The following CEP295NL variants were observed in gnomAD, a reference collection of about 807,000 sequenced individuals.
CEP295NL encodes CEP295 N-terminal like.
CEP295NL carries 3 observed loss-of-function variants against 4.6 expected under a neutral mutation model. The ratio of observed to expected loss-of-function variants is 0.65; its 90% CI spans 0.30 to 1.69. The LOEUF is 1.69. CEP295NL is among the 40% of genes most tolerant of loss of function. The pLI is 0.10. For missense variants in CEP295NL, 719 were observed against 769.0 expected, an observed-to-expected ratio of 0.93 and a Z score of 0.77; for synonymous variants, 295 against 312.2, an observed-to-expected ratio of 0.94 and a Z score of 0.58.
chr17:78,892,498 C>G (rs2069917654), intron 2 of CEP295NL, 39 bp from the exon 3 acceptor site: 2 of 1,511,714 alleles, frequency 1.3e-6, no homozygotes, highest in Non-Finnish European at 1.8e-6. Flanking sequence ...TTCCAGATCG[C>G]TCCCAGGAGA....
intron 1 of CEP295NL, among the ~76,000 whole-genome samples, chr17:78,902,146 G>A (rs1022509133): frequency 4.6e-5 from 7 of 152,136 alleles, no homozygotes; most frequent in Admixed American, 4.6e-4. Context: ...TCACTATGTT[G>A]CCCAGGCTGG....
At chr17:78,892,911 G>A (rs1287209594) in intron 2 of CEP295NL, among the ~76,000 whole-genome samples, 1 of 152,168 alleles carries the variant, frequency 6.6e-6, no homozygotes, top group Non-Finnish European at 1.5e-5. Context: ...ATTCAGGTAG[G>A]GATGGAGGGG....
At chr17:78,893,454 T>C (rs1473988616) in intron 2 of CEP295NL, among the ~76,000 whole-genome samples, 1 of 149,258 alleles carries the variant, frequency 6.7e-6, no homozygotes, top group African/African-American at 2.5e-5. Flanking sequence ...GGGCTGTGTG[T>C]GCAGGGGTGT....
chr17:78,893,141 G>A (rs1267971649), intron 2 of CEP295NL, among the ~76,000 whole-genome samples: 1 of 149,218 alleles, frequency 6.7e-6, no homozygotes, highest in South Asian at 2.1e-4. Flanking sequence ...GGGTGTGTGT[G>A]CGTACATGTG....
At chr17:78,895,759 T>C (rs1260423130) in intron 2 of CEP295NL, among the ~76,000 whole-genome samples, 2 of 152,068 alleles carry the variant, frequency 1.3e-5, no homozygotes, top group South Asian at 2.1e-4. Context: ...GCCACAGGGA[T>C]GTCCAATTAG....
chr17:78,891,559 A>G lies in CEP295NL; in HGVS notation c.945T>C (p.Asp315=). Reference sequence around the variant, plus strand: ...ACACGGCTTCCCTTCTGCAGCTGGAATCAGCTGGCCACAGCTGCCCGAGGT... The same window carrying G: ...ACACGGCTTCCCTTCTGCAGCTGGAGTCAGCTGGCCACAGCTGCCCGAGGT... ...LRDLGQLWPA[D]SSCRREAVSP... Residue 315 remains aspartate, a synonymous_variant, in exon 3 of 3, where the codon GAT becomes GAC. Coordinates refer to ENST00000322630, the MANE Select transcript of CEP295NL (RefSeq NM_001243540.2). The surrounding 1 kb of genome is among the most constrained non-coding windows in gnomAD (Gnocchi z 4.5). The G allele has an allele frequency of 6.4e-7, 1 of 1,550,882 alleles. No individual in the cohort carries two copies. The highest frequency in any genetic ancestry group is 2.0e-5 in the Admixed American group (1 of 50,998).
At position 78,890,780 on chromosome 17, in the gene CEP295NL, G is replaced by C. The variant is rs553520865; in HGVS notation, c.1724C>G (p.Ser575Trp). The C allele has an allele frequency of 6.4e-7, 1 of 1,550,614 alleles. No individual in the cohort carries two copies. Residue 575 changes from serine (S) to tryptophan (W), a missense_variant, in exon 3 of 3, where the codon TCG becomes TGG. Physicochemically the swap from Ser to Trp is radical, Grantham distance 177. Transcript: ENST00000322630. ...GTCGTCGTCGGCGAGGCTGGTGCCC[G>C]ATGGGGAAGTGGTGCTGAGCTCAGA... The part of the protein sequence containing the change: ...RGSELSTTSP[S>W]GTSLADDDRH...
rs574621964 is a variant in CEP295NL, at chr17:78,901,835, G to C, written c.-7C>G. 6.2e-5 allele frequency: 44 copies of C among 710,828 alleles called. 1 individual carries two copies. In the South Asian group the frequency reaches 6.2e-4, roughly 10 times the overall value. 44.0% of individuals were successfully genotyped at this position (710,828 alleles called of 1,614,324 possible). ...TAGACCACCCAGAACACATTACAGGGAGGCAGAAGCTGACAGGAGGGCAGG... is the reference window on the plus strand; with the variant it reads ...TAGACCACCCAGAACACATTACAGGCAGGCAGAAGCTGACAGGAGGGCAGG... On this transcript the variant is annotated 5_prime_UTR_variant, in exon 2 of 3. Transcript: ENST00000322630.
Position 78,892,240 on chromosome 17 carries a change from T to C in CEP295NL, c.264A>G (p.Lys88=), listed in dbSNP as rs1599161124. The change falls in exon 3 of 3, where the codon AAA becomes AAG. Residue 88 remains lysine, a synonymous_variant. Transcript: ENST00000322630. The stretch of plus-strand genomic sequence containing the variant: ...CTCTTCTCTGCAGAGCGAGATCGCC[T>C]TTGCCCCGGGCTTGTAGCAATTTGT... ...KKHKLLQARG[K]GDLALQRRAD... The C allele has an allele frequency of 6.4e-7, 1 of 1,550,870 alleles. No homozygotes were observed. Among genetic ancestry groups the C allele is most frequent in the African/African-American group, 1.4e-5 (1 of 73,052 alleles).
chr17:78,890,783 G>A lies in CEP295NL; in HGVS notation c.1721C>T (p.Pro574Leu). ...ERGSELSTTS[P>L]SGTSLADDDR... is the part of the protein sequence containing the mutation. The stretch of plus-strand genomic sequence containing the variant: ...GTCGTCGGCGAGGCTGGTGCCCGAT[G>A]GGGAAGTGGTGCTGAGCTCAGATCC... The change falls in exon 3 of 3, where the codon CCA becomes CTA. Residue 574 changes from proline (P) to leucine (L), a missense_variant. Physicochemically the swap from Pro to Leu is moderately conservative, Grantham distance 98 (BLOSUM62 -3). Transcript: ENST00000322630. The A allele has an allele frequency of 6.4e-7, 1 of 1,550,616 alleles. No individual in the cohort carries two copies. Among genetic ancestry groups the A allele is most frequent in the Non-Finnish European group, 8.7e-7 (1 of 1,147,004 alleles).
rs1271907585 is a variant in CEP295NL, at chr17:78,896,685, C to T, written c.45-4226G>A. 6.6e-6 allele frequency among the ~76,000 whole-genome samples: 1 copy of T among 152,124 alleles called. No individual in the cohort carries two copies. Among genetic ancestry groups the T allele is most frequent in the Non-Finnish European group, 1.5e-5 (1 of 68,010 alleles). On this transcript the variant is annotated intron_variant, in intron 2 of 2. Coordinates refer to ENST00000322630, the MANE Select transcript of CEP295NL (RefSeq NM_001243540.2). This position sits in a 1 kb window ranked among gnomAD's most constrained non-coding sequence, Gnocchi z 4.4. ...GCTGCCTTCAACCACTCAGAGAAAC[C>T]ACAGCTCCCCCCTCCGCAGAAGCCG...
At position 78,892,464 on chromosome 17, in the gene CEP295NL, G is replaced by C; in HGVS notation, c.45-5C>G. The C allele has an allele frequency of 8.4e-6, 13 of 1,544,228 alleles. No individual in the cohort carries two copies. Among genetic ancestry groups the C allele is most frequent in the Non-Finnish European group, 1.0e-5 (12 of 1,143,536 alleles). Reference sequence around the variant, plus strand: ...CCACAACGTTCCACAGCAAACCTACGAGGAAGGGAGCACAAGTGCAGCTTT... The same window carrying C: ...CCACAACGTTCCACAGCAAACCTACCAGGAAGGGAGCACAAGTGCAGCTTT... On this transcript the variant is annotated splice_polypyrimidine_tract_variant and splice_region_variant and intron_variant, in intron 2 of 2. Transcript: ENST00000322630.
Position 78,893,768 on chromosome 17 carries a change from T to C in CEP295NL, c.45-1309A>G, listed in dbSNP as rs115111499. The stretch of plus-strand genomic sequence containing the variant: ...TTCATGACTCCCAGCTCTTTCCTTT[T>C]ATAATGATCAGAGAAGGACTCTTCC... On this transcript the variant is annotated intron_variant, in intron 2 of 2. Transcript: ENST00000322630. 2.7e-3 allele frequency among the ~76,000 whole-genome samples: 404 copies of C among 152,210 alleles called. 2 individuals carry two copies. Among genetic ancestry groups the C allele is most frequent in the African/African-American group, 9.3e-3 (388 of 41,502 alleles).
chr17:78,903,069 C>G (rs2070120380), intron 1 of CEP295NL, 65 bp downstream of exon 1: 1 of 152,422 alleles, frequency 6.6e-6, no homozygotes, highest in Non-Finnish European at 1.5e-5. Flanking sequence ...GAACCCCACC[C>G]TCACCACAGA....
chr17:78,897,727 A>G (rs74441012), intron 2 of CEP295NL: 1 of 152,282 alleles, frequency 6.6e-6, no homozygotes, highest in Non-Finnish European at 1.5e-5. Flanking sequence ...TCCTCAAGGC[A>G]TGAACTGGCC....
chr17:78,891,924 G>GC lies in CEP295NL; in HGVS notation c.579dup (p.Pro194AlafsTer28), dbSNP rs1276706296. 6.4e-7 allele frequency: 1 copy of GC among 1,550,560 alleles called. No homozygotes were observed. Among genetic ancestry groups the GC allele is most frequent in the Non-Finnish European group, 8.7e-7 (1 of 1,146,988 alleles). Reference sequence around the variant, plus strand: ...TCTGGACTCGCTGCTGTCTTCCGGGGCCTGGAGTGCCTGGGGTGTTGCTGG... The same window carrying GC: ...TCTGGACTCGCTGCTGTCTTCCGGGGCCCTGGAGTGCCTGGGGTGTTGCTGG... On this transcript the variant is annotated frameshift_variant, in exon 3 of 3. Transcript: ENST00000322630. LOFTEE classifies it low-confidence loss of function (END_TRUNC). This position sits in a 1 kb window ranked among gnomAD's most constrained non-coding sequence, Gnocchi z 4.5.
intron 2 of CEP295NL, chr17:78,899,766 G>A (rs8071566): frequency 0.95 from 145,145 of 152,274 alleles, 69,181 homozygotes; most frequent in South Asian, 0.97. Flanking sequence ...CATCCTACCC[G>A]CATGTCCCCA....
chr17:78,893,377 G>A, intron 2 of CEP295NL, among the ~76,000 whole-genome samples: 6 of 146,338 alleles, frequency 4.1e-5, no homozygotes, highest in African/African-American at 1.6e-4. Context: ...GTGTAGGAGT[G>A]TGTGTGCAGG....
In CEP295NL at chr17:78,896,957, T is replaced by C; in HGVS notation, c.45-4498A>G. On this transcript the variant is annotated intron_variant, in intron 2 of 2. Coordinates refer to ENST00000322630, the MANE Select transcript of CEP295NL (RefSeq NM_001243540.2). The surrounding 1 kb of genome is among the most constrained non-coding windows in gnomAD (Gnocchi z 4.4). Reference sequence around the variant, plus strand: ...ATTCTCACCAAAGTCAGGCAACCTCTGGCCTACAGCTTGAGAATGACGTCC... The same window carrying C: ...ATTCTCACCAAAGTCAGGCAACCTCCGGCCTACAGCTTGAGAATGACGTCC... 1 of 985,406 alleles carries C rather than the reference T, an allele frequency of 1.0e-6. No individual in the cohort carries two copies. Among genetic ancestry groups the C allele is most frequent in the South Asian group, 4.7e-5 (1 of 21,290 alleles). 61.0% of individuals were successfully genotyped at this position (985,406 alleles called of 1,614,324 possible). A position where few individuals can be genotyped will look rare whatever the true frequency, so the allele number is the denominator to read the frequency against.
Sources: gnomAD v4.1 joint callset for allele counts (sites outside exome capture counted in the v4.1 genomes callset) on GRCh38, gnomAD v4.1.1 for gene constraint, Gnocchi (gnomAD v3.1) non-coding constraint, MANE v1.5 for transcripts, NCBI Gene and HGNC (gene_info 2026-07-23, HGNC 2026-07-21) for gene names.